SYN3: variants seen among roughly 807,000 people sequenced by gnomAD.
The protein encoded by SYN3 is synapsin-3.
In SYN3, 35 loss-of-function variants were observed where a neutral mutation model predicts 65.8. That is an observed-to-expected ratio of 0.53 (90% CI 0.41 to 0.70). SYN3 has a LOEUF of 0.70. Among genes scored for constraint, SYN3 ranks in the 30% least tolerant of loss-of-function variants. The pLI, the probability that SYN3 is intolerant of heterozygous loss-of-function variation, is 0.00. For synonymous variants in SYN3, 270 were observed against 292.9 expected (o/e 0.92, Z 0.80); for missense variants, 680 against 749.0 (o/e 0.91, Z 1.08).
At chr22:32,864,692 G>T (rs977045918) in intron 6 of SYN3, 4 of 412,526 alleles carry the variant, frequency 9.7e-6, no homozygotes, top group African/African-American at 6.0e-5. Flanking sequence ...CAAGGAATGT[G>T]GTTCACCTTT....
chr22:32,655,115 T>C (rs2060124584), intron 6 of SYN3, among the ~76,000 whole-genome samples: 2 of 152,200 alleles, frequency 1.3e-5, no homozygotes, highest in African/African-American at 4.8e-5. Flanking sequence ...TATGAAGAGA[T>C]GGGGCCTTTG....
chr22:32,990,327 TCCATCCATCCATCCATCCAC>T (rs1221253211), intron 2 of SYN3, among the ~76,000 whole-genome samples: 3 of 150,914 alleles, frequency 2.0e-5, no homozygotes, highest in East Asian at 3.9e-4. Context: ...CATCCATCCA[TCCATCCATCCATCCATCCAC>T]CCATCCATCC....
At chr22:32,781,204 A>G (rs188007919) in intron 6 of SYN3, among the ~76,000 whole-genome samples, 3 of 152,144 alleles carry the variant, frequency 2.0e-5, no homozygotes. Context: ...AGTCTTGTCC[A>G]AGGTTCCACA....
chr22:32,647,638 T>C (rs1023138387), intron 6 of SYN3, among the ~76,000 whole-genome samples: 2 of 152,054 alleles, frequency 1.3e-5, no homozygotes, highest in African/African-American at 2.4e-5. Context: ...AGATGGAGTC[T>C]TGCTCTGTTG....
At chr22:32,901,446 C>G (rs1272646430) in intron 4 of SYN3, among the ~76,000 whole-genome samples, 1 of 152,212 alleles carries the variant, frequency 6.6e-6, no homozygotes, top group Non-Finnish European at 1.5e-5. Flanking sequence ...TAAAGAGAAT[C>G]TTGTCCCTCC....
intron 3 of SYN3, among the ~76,000 whole-genome samples, chr22:32,962,131 T>C (rs2162508): frequency 0.012 from 766 of 64,912 alleles, 3 homozygotes; most frequent in South Asian, 0.034. Context: ...TAGAATCTCT[T>C]TTTTTTTTTT....
chr22:32,898,413 G>A (rs369312756), intron 4 of SYN3, among the ~76,000 whole-genome samples: 32 of 152,292 alleles, frequency 2.1e-4, no homozygotes, highest in African/African-American at 7.5e-4. Context: ...GATTACATGT[G>A]CCCAGAGTTC....
intron 2 of SYN3, among the ~76,000 whole-genome samples, chr22:32,990,263 A>G (rs2052656083): frequency 9.0e-6 from 1 of 111,216 alleles, no homozygotes; most frequent in African/African-American, 2.9e-5. Context: ...CATCCACCCA[A>G]CTACCCATCC....
At chr22:32,937,376 ACACTGCTAT>A (rs1183520217) in intron 3 of SYN3, among the ~76,000 whole-genome samples, 1 of 152,244 alleles carries the variant, frequency 6.6e-6, no homozygotes, top group Non-Finnish European at 1.5e-5. Context: ...AGTCTGTTCT[ACACTGCTAT>A]CAACTACCTG....
intron 6 of SYN3, among the ~76,000 whole-genome samples, chr22:32,742,909 A>G (rs1006595906): frequency 1.3e-5 from 2 of 152,244 alleles, no homozygotes; most frequent in Non-Finnish European, 2.9e-5. Flanking sequence ...TAAGCCTTTT[A>G]TAAGTATTAG....
intron 6 of SYN3, among the ~76,000 whole-genome samples, chr22:32,832,781 G>A (rs901657782): frequency 1.3e-5 from 2 of 152,024 alleles, no homozygotes; most frequent in Non-Finnish European, 2.9e-5. Flanking sequence ...CAGCTGGAGT[G>A]CAGTGGCATG....
intron 6 of SYN3, among the ~76,000 whole-genome samples, chr22:32,702,822 AT>A (rs1349680508): frequency 6.6e-6 from 1 of 152,238 alleles, no homozygotes; most frequent in Non-Finnish European, 1.5e-5. Context: ...AAATATTCTT[AT>A]TATCAAAATC....
chr22:32,832,260 A>G (rs2047594586), intron 6 of SYN3, among the ~76,000 whole-genome samples: 1 of 152,196 alleles, frequency 6.6e-6, no homozygotes, highest in Non-Finnish European at 1.5e-5. Flanking sequence ...GCACGTGACA[A>G]CTTGGACCAC....
intron 4 of SYN3, among the ~76,000 whole-genome samples, chr22:32,886,296 G>A (rs1346055961): frequency 2.0e-5 from 3 of 152,186 alleles, no homozygotes; most frequent in Non-Finnish European, 4.4e-5. Flanking sequence ...GCGAGGTCGT[G>A]AGAATGTTTC....
intron 3 of SYN3, among the ~76,000 whole-genome samples, chr22:32,975,728 G>A (rs2052166273): frequency 1.3e-5 from 2 of 152,228 alleles, no homozygotes; most frequent in African/African-American, 4.8e-5. Flanking sequence ...AAAGTCATTA[G>A]CAAATGTAAT....
intron 6 of SYN3, among the ~76,000 whole-genome samples, chr22:32,728,821 C>T (rs62234589): frequency 0.04 from 6,056 of 152,244 alleles, 180 homozygotes; most frequent in Non-Finnish European, 0.059. Flanking sequence ...AGGCTCTTGC[C>T]CTCATGGGTT....
At chr22:32,794,078 C>A (rs1035099581) in intron 6 of SYN3, among the ~76,000 whole-genome samples, 2 of 152,170 alleles carry the variant, frequency 1.3e-5, no homozygotes, top group Non-Finnish European at 2.9e-5. Context: ...CAGCATTGTC[C>A]CTGTTCAGGA....
chr22:32,530,977 A>G (rs2058059590), intron 10 of SYN3, among the ~76,000 whole-genome samples: 1 of 151,778 alleles, frequency 6.6e-6, no homozygotes, highest in African/African-American at 2.4e-5. Flanking sequence ...ATTTGTAAGA[A>G]GAGCAGAAGG....
intron 2 of SYN3, among the ~76,000 whole-genome samples, chr22:32,984,135 C>T (rs1280761361): frequency 7.4e-6 from 1 of 135,868 alleles, no homozygotes; most frequent in African/African-American, 2.8e-5. Flanking sequence ...GTACTCCAAC[C>T]TGGGCGACAA....
Sources: allele counts gnomAD v4.1 joint callset (sites outside exome capture counted in the v4.1 genomes callset), GRCh38; gene constraint gnomAD v4.1.1; transcripts MANE v1.5; gene names NCBI Gene and HGNC (gene_info 2026-07-23, HGNC 2026-07-21).